PPL: variants seen among roughly 807,000 people sequenced by gnomAD.
PPL encodes the protein periplakin.
In PPL, 198 loss-of-function variants were observed where a neutral mutation model predicts 194.4. The observed-to-expected ratio is 1.02, with a 90% confidence interval of 0.91 to 1.15. The LOEUF is 1.15. Ranked by LOEUF, PPL falls within the 50% of genes most tolerant of loss-of-function variation. PPL has a pLI of 0.00. For missense variants in PPL, 2,885 were observed against 2,294.8 expected, an observed-to-expected ratio of 1.26 and a Z score of -5.25; for synonymous variants, 1,220 against 972.4, an observed-to-expected ratio of 1.25 and a Z score of -4.74.
chr16:4,912,838 T>G (rs1256846232), intron 1 of PPL, among the ~76,000 whole-genome samples: 2 of 152,174 alleles, frequency 1.3e-5, no homozygotes, highest in African/African-American at 4.8e-5. Context: ...GTGTGGTGGC[T>G]CATACCTGTA....
chr16:4,905,690 T>C (rs2088667749), intron 2 of PPL, among the ~76,000 whole-genome samples: 1 of 152,164 alleles, frequency 6.6e-6, no homozygotes, highest in African/African-American at 2.4e-5. Flanking sequence ...AAGTAAAGAC[T>C]TGGCTTCTTC....
chr16:4,929,391 C>T (rs542314710), intron 1 of PPL, among the ~76,000 whole-genome samples: 202 of 152,168 alleles, frequency 1.3e-3, no homozygotes, highest in African/African-American at 4.7e-3. Context: ...TCAGGGCTTG[C>T]CTGCAGGCTC....
At chr16:4,896,727 C>T (rs924709470) in intron 9 of PPL, among the ~76,000 whole-genome samples, 25 of 150,946 alleles carry the variant, frequency 1.7e-4, no homozygotes, top group Admixed American at 6.0e-4. Context: ...GCAACCTCTG[C>T]CTCCTGGGTT....
chr16:4,888,645 A>C, intron 19 of PPL: 1 of 359,908 alleles, frequency 2.8e-6, no homozygotes, highest in Non-Finnish European at 5.0e-6. Flanking sequence ...ACTGGACACC[A>C]GTCCTTTCCA....
At chr16:4,923,997 T>C (rs955872806) in intron 1 of PPL, among the ~76,000 whole-genome samples, 4 of 152,150 alleles carry the variant, frequency 2.6e-5, no homozygotes, top group East Asian at 1.9e-4. Flanking sequence ...CAGCCTTAAT[T>C]TCTTTCAACA....
chr16:4,889,097 A>T, intron 18 of PPL, 36 bp from the exon 19 acceptor site: 1 of 1,583,726 alleles, frequency 6.3e-7, no homozygotes, highest in South Asian at 1.1e-5. Flanking sequence ...AACTAACCAG[A>T]AAAAAAATTT....
Position 4,889,011 on chromosome 16 carries a change from A to G in PPL, c.2364T>C (p.Cys788=). The change falls in exon 19 of 22, where the codon TGT becomes TGC. Residue 788 remains cysteine, a synonymous_variant. Transcript: ENST00000345988. The part of the protein sequence containing the change: ...ASREQEVQKI[C]ANSQQYQQAV... ...CTTGCTGGTACTGCTGGGAATTGGC[A>G]CAGATCTTCTGTACTTCCTGCTCCC... 6.2e-7 allele frequency: 1 copy of G among 1,613,630 alleles called. No individual in the cohort carries two copies. Among genetic ancestry groups the G allele is most frequent in the Non-Finnish European group, 8.5e-7 (1 of 1,179,900 alleles).
chr16:4,908,866 C>T (rs2088759018), intron 2 of PPL, among the ~76,000 whole-genome samples: 1 of 152,222 alleles, frequency 6.6e-6, no homozygotes, highest in South Asian at 2.1e-4. Context: ...CTTTGTTATG[C>T]TTGTTTATCC....
At chr16:4,893,681 C>T (rs1310809925) in intron 12 of PPL, 43 bp from the exon 13 acceptor site, 14 of 1,497,322 alleles carry the variant, frequency 9.4e-6, no homozygotes, top group Non-Finnish European at 1.3e-5. Flanking sequence ...CAGCCCACCA[C>T]CCCCTGCACC....
chr16:4,925,182 A>G (rs13380467), intron 1 of PPL, among the ~76,000 whole-genome samples: 4,036 of 152,192 alleles, frequency 0.027, 166 homozygotes, highest in African/African-American at 0.088. Context: ...GAGCCCAGAG[A>G]AGGGGCTGGG....
rs936929121 is a variant in PPL, at chr16:4,886,968, C to T, written c.2607+167G>A. On this transcript the variant is annotated intron_variant, in intron 21 of 21. Coordinates refer to ENST00000345988, the MANE Select transcript of PPL (RefSeq NM_002705.5). Reference sequence around the variant, plus strand: ...ATGTTTACTGAGTTGAATAAGTTCTCATGTCAGTAGAAGCATTGGCTCGGG... The same window carrying T: ...ATGTTTACTGAGTTGAATAAGTTCTTATGTCAGTAGAAGCATTGGCTCGGG... Among the ~76,000 whole-genome samples, 17 of 152,258 alleles carry T rather than the reference C, an allele frequency of 1.1e-4. 1 individual carries two copies. Among genetic ancestry groups the T allele is most frequent in the African/African-American group, 4.1e-4 (17 of 41,474 alleles).
intron 14 of PPL, 47 bp from the exon 15 acceptor site, chr16:4,892,260 C>A (rs1349627150): frequency 6.3e-7 from 1 of 1,577,004 alleles, no homozygotes; most frequent in Non-Finnish European, 8.6e-7. Flanking sequence ...CAGGCAGCCC[C>A]TTCCCCTGAG....
At chr16:4,903,542 A>C (rs926260538) in intron 3 of PPL, among the ~76,000 whole-genome samples, 10 of 151,974 alleles carry the variant, frequency 6.6e-5, no homozygotes, top group African/African-American at 2.4e-4. Flanking sequence ...CAACATGGAG[A>C]AACCCTGTCT....
At chr16:4,928,353 G>A (rs1427049191) in intron 1 of PPL, among the ~76,000 whole-genome samples, 1 of 152,250 alleles carries the variant, frequency 6.6e-6, no homozygotes, top group Non-Finnish European at 1.5e-5. Context: ...ACAGGCATGG[G>A]CCACTGTGCC....
At chr16:4,905,282 C>T (rs761302367) in intron 2 of PPL, among the ~76,000 whole-genome samples, 1 of 152,154 alleles carries the variant, frequency 6.6e-6, no homozygotes, top group Non-Finnish European at 1.5e-5. Context: ...AACTACGGAC[C>T]GTGCTCCATC....
intron 9 of PPL, among the ~76,000 whole-genome samples, chr16:4,897,199 G>T (rs1160843164): frequency 1.3e-5 from 2 of 151,484 alleles, no homozygotes; most frequent in South Asian, 2.1e-4. Flanking sequence ...GCTGGGTGTG[G>T]TGGTGGGCAC....
intron 1 of PPL, among the ~76,000 whole-genome samples, chr16:4,931,302 T>C (rs1208339632): frequency 1.3e-5 from 2 of 152,160 alleles, no homozygotes; most frequent in Non-Finnish European, 2.9e-5. Context: ...AGTTCAAGGC[T>C]ACAGTGAGCT....
rs372970729 is a variant in PPL, at chr16:4,883,814, G to A, written c.4841C>T (p.Ser1614Phe). Residue 1614 changes from serine to phenylalanine, a missense_variant, in exon 22 of 22, where the codon TCC becomes TTC. Ser to Phe is a radical substitution (Grantham distance 155, BLOSUM62 -2). Coordinates refer to ENST00000345988, the MANE Select transcript of PPL (RefSeq NM_002705.5). The surrounding 1 kb of genome is among the most constrained non-coding windows in gnomAD (Gnocchi z 4.8). ...SGTNHDSRLW[S>F]LERELDDLKR... is the part of the protein sequence containing the mutation. ...GAGGTCATCCAGTTCCCTCTCCAGG[G>A]ACCACAGTCTGGAGTCATGGTTGGT... 3 of 1,614,096 alleles carry A rather than the reference G, an allele frequency of 1.9e-6. No individual in the cohort carries two copies. Among genetic ancestry groups the A allele is most frequent in the East Asian group, 2.2e-5 (1 of 44,882 alleles).
chr16:4,885,224 G>C lies in PPL; in HGVS notation c.3431C>G (p.Ala1144Gly). Reference sequence around the variant, plus strand: ...CGTCTTCTCCCTCTGGCTAGCGCGAGCCTTGGCAGCCTCGTCCTCATATTG... The same window carrying C: ...CGTCTTCTCCCTCTGGCTAGCGCGACCCTTGGCAGCCTCGTCCTCATATTG... ...TRQYEDEAAK[A>G]RASQREKTEL... Residue 1144 changes from alanine to glycine, a missense_variant, in exon 22 of 22, where the codon GCT becomes GGT. By Grantham distance (60) the Ala-to-Gly change is moderately conservative. Transcript: ENST00000345988. The surrounding 1 kb of genome is among the most constrained non-coding windows in gnomAD (Gnocchi z 6.3). The C allele has an allele frequency of 6.2e-7, 1 of 1,613,854 alleles. No individual in the cohort carries two copies. The highest frequency in any genetic ancestry group is 8.5e-7 in the Non-Finnish European group (1 of 1,180,018).
Sources: allele counts gnomAD v4.1 joint callset (sites outside exome capture counted in the v4.1 genomes callset), GRCh38; gene constraint gnomAD v4.1.1; non-coding constraint Gnocchi (gnomAD v3.1); transcripts MANE v1.5; gene names NCBI Gene and HGNC (gene_info 2026-07-23, HGNC 2026-07-21).